KHDRBS1: variants seen among roughly 807,000 people sequenced by gnomAD.
The protein encoded by KHDRBS1 is KH RNA binding domain containing, signal transduction associated 1.
Under a neutral mutation model 48.4 loss-of-function variants are expected in KHDRBS1, and 7 were observed. The observed-to-expected ratio is 0.14, with a 90% CI of 0.08 to 0.27. The LOEUF is 0.27. KHDRBS1 is among the 10% of genes least tolerant of loss of function. KHDRBS1 has a pLI of 1.00. For synonymous variants in KHDRBS1, 241 were observed against 235.8 expected, an observed-to-expected ratio of 1.02 and a Z score of -0.20; for missense variants, 458 against 601.2, an observed-to-expected ratio of 0.76 and a Z score of 2.49.
intron 1 of KHDRBS1, among the ~76,000 whole-genome samples, chr1:32,027,080 C>G (rs939214831): frequency 2.0e-5 from 3 of 152,230 alleles, no homozygotes; most frequent in African/African-American, 7.2e-5. Flanking sequence ...CAGGCGTGAG[C>G]CAACGCGCCC....
intron 7 of KHDRBS1, 129 bp from the exon 8 acceptor site, chr1:32,039,386 G>C: frequency 1.5e-6 from 1 of 673,440 alleles, no homozygotes; most frequent in Non-Finnish European, 2.7e-6. Flanking sequence ...TACGGTTTAG[G>C]GATGGGGCAG....
intron 6 of KHDRBS1, among the ~76,000 whole-genome samples, chr1:32,038,321 GTACTT>G (rs1639222701): frequency 6.6e-6 from 1 of 152,132 alleles, no homozygotes; most frequent in African/African-American, 2.4e-5. Flanking sequence ...GCTCGATTTT[GTACTT>G]TACTTCCTGC....
At chr1:32,017,751 G>T (rs1484308096) in intron 1 of KHDRBS1, among the ~76,000 whole-genome samples, 1 of 151,766 alleles carries the variant, frequency 6.6e-6, no homozygotes, top group East Asian at 1.9e-4. Context: ...GGGATTATAG[G>T]CATGTGCCAC....
intron 8 of KHDRBS1, 59 bp downstream of exon 8, chr1:32,039,632 G>A: frequency 2.3e-6 from 2 of 884,434 alleles, no homozygotes; most frequent in South Asian, 1.3e-5. Context: ...GGAGAATGCT[G>A]GTGACTAAAG....
rs1165203599 is a variant in KHDRBS1, at chr1:32,014,199, G to A, written c.204G>A (p.Pro68=). The A allele has an allele frequency of 7.2e-7, 1 of 1,384,292 alleles. No individual in the cohort carries two copies. The highest frequency in any genetic ancestry group is 1.7e-5 in the South Asian group (1 of 58,904). The allele number at this position is 1,384,292 out of a possible 1,614,324, so 85.8% of individuals were successfully genotyped here. Residue 68 remains proline (P), a synonymous_variant, in exon 1 of 9, where the codon CCG becomes CCA. Transcript: ENST00000327300. ...CCACGCAGCCGCCACCGCTGCTGCC[G>A]CCCTCGGCCACGGGTCCCGACGCGA... The part of the protein sequence containing the change: ...SPATQPPPLL[P]PSATGPDATV...
intron 3 of KHDRBS1, 98 bp downstream of exon 3, chr1:32,031,738 G>A (rs1639084486): frequency 2.9e-6 from 2 of 698,466 alleles, no homozygotes; most frequent in Admixed American, 2.9e-5. Context: ...AATTTTGTAT[G>A]TGTACAGAAT....
chr1:32,036,905 C>T lies in KHDRBS1; in HGVS notation c.772-5C>T. On this transcript the variant is annotated splice_polypyrimidine_tract_variant and splice_region_variant and intron_variant, in intron 4 of 8. Coordinates refer to ENST00000327300, the MANE Select transcript of KHDRBS1 (RefSeq NM_006559.3). ...CACAATACTCCTTGTATCTTTCGTT[C>T]CCAGGATATGATGGATGATATCTGT... is the stretch of plus-strand genomic sequence containing the variant. The T allele has an allele frequency of 6.2e-7, 1 of 1,611,038 alleles. No homozygotes were observed. Among genetic ancestry groups the T allele is most frequent in the Non-Finnish European group, 8.5e-7 (1 of 1,178,404 alleles).
chr1:32,021,374 C>T (rs1047613235), intron 1 of KHDRBS1, among the ~76,000 whole-genome samples: 4 of 151,650 alleles, frequency 2.6e-5, no homozygotes, highest in African/African-American at 7.3e-5. Flanking sequence ...CAGTAGCTTC[C>T]ATCAAATTCT....
chr1:32,041,878 G>A lies in KHDRBS1; in HGVS notation c.1235-649G>A, dbSNP rs772569093. Among the ~76,000 whole-genome samples the A allele has an allele frequency of 5.3e-5, 8 of 152,202 alleles. No homozygotes were observed. The East Asian group carries it at 1.4e-3, about 26-fold the overall frequency. On this transcript the variant is annotated intron_variant, in intron 8 of 8. Transcript: ENST00000327300. ...GCTGGGATTACGGGCGTGAGCCACC[G>A]CATGCAGCCTTGGAATTATCTTAAA...
chr1:32,049,022 T>C (rs559472912), intron 10 of KHDRBS1, among the ~76,000 whole-genome samples: 2 of 151,612 alleles, frequency 1.3e-5, no homozygotes, highest in South Asian at 4.2e-4. Flanking sequence ...TAAGTGGTCT[T>C]CTGTGACTGG....
chr1:32,045,537 C>T (rs1639347000), downstream of KHDRBS1: 1 of 152,522 alleles, frequency 6.6e-6, no homozygotes, highest in Non-Finnish European at 1.5e-5. Context: ...ACCACACTTA[C>T]ATGTCCATAC....
At chr1:32,052,345 G>C (rs1419092398) in intron 10 of KHDRBS1, 2 of 148,762 alleles carry the variant, frequency 1.3e-5, no homozygotes, top group Admixed American at 6.7e-5. Flanking sequence ...AGGAAAGAAA[G>C]AAAAGAAAAA....
In KHDRBS1 at chr1:32,014,222, C is replaced by T; in HGVS notation, c.227C>T (p.Ala76Val). ...CCGCCCTCGGCCACGGGTCCCGACG[C>T]GACAGTGGGCGGGCCAGCGCCGACC... ...LLPPSATGPDATVGGPAPTPL... is the reference protein window; with the variant it reads ...LLPPSATGPDVTVGGPAPTPL... Residue 76 changes from alanine to valine, a missense_variant, in exon 1 of 9, where the codon GCG (alanine) becomes GTG (valine). This residue lies in a region of KHDRBS1 where 213 missense variants were observed against 215.6 expected (regional missense o/e 0.99). Transcript: ENST00000327300. The T allele has an allele frequency of 6.8e-7, 1 of 1,475,118 alleles. No homozygotes were observed. The highest frequency in any genetic ancestry group is 1.8e-4 in the Middle Eastern group (1 of 5,654). The allele number at this position is 1,475,118 out of a possible 1,614,324, so 91.4% of individuals were successfully genotyped here.
Position 32,042,747 on chromosome 1 carries a change from G to T in KHDRBS1, c.*123G>T. The T allele has an allele frequency of 1.6e-6, 1 of 637,112 alleles. No individual in the cohort carries two copies. The highest frequency in any genetic ancestry group is 1.8e-5 in the South Asian group (1 of 54,642). The allele number at this position is 637,112 out of a possible 1,614,324, so 39.5% of individuals were successfully genotyped here. ...AATTGTCTAAGTGTTTTTCTTCGTG[G>T]TCCCCTTCTTCTCCCCACCTTATTC... On this transcript the variant is annotated 3_prime_UTR_variant, in exon 9 of 9. Coordinates refer to ENST00000327300, the MANE Select transcript of KHDRBS1 (RefSeq NM_006559.3).
chr1:32,029,330 A>G (rs529435461), intron 1 of KHDRBS1, among the ~76,000 whole-genome samples: 62 of 152,326 alleles, frequency 4.1e-4, no homozygotes, highest in Middle Eastern at 3.4e-3. Flanking sequence ...AACTTTTTAC[A>G]TATCAGTTAT....
In KHDRBS1 at chr1:32,013,991, C is replaced by G. The variant is rs912579924; in HGVS notation, c.-5C>G. On this transcript the variant is annotated 5_prime_UTR_variant, in exon 1 of 9. Coordinates refer to ENST00000327300, the MANE Select transcript of KHDRBS1 (RefSeq NM_006559.3). ...TCTCGCTCCTTGGATCGCACATCCT[C>G]CCAGATGCAGCGCCGGGACGACCCC... is the stretch of plus-strand genomic sequence containing the variant. 4.2e-5 allele frequency: 64 copies of G among 1,508,862 alleles called. No individual in the cohort carries two copies. In the East Asian group the frequency reaches 1.8e-3, roughly 42 times the overall value. The allele number at this position is 1,508,862 out of a possible 1,614,324, so 93.5% of individuals were successfully genotyped here.
At chr1:32,018,511 G>A (rs955682369) in intron 1 of KHDRBS1, among the ~76,000 whole-genome samples, 8 of 144,332 alleles carry the variant, frequency 5.5e-5, no homozygotes, top group African/African-American at 1.6e-4. Flanking sequence ...ATCCCAGCAC[G>A]TTGGGAGGCC....
intron 1 of KHDRBS1, among the ~76,000 whole-genome samples, chr1:32,029,103 G>A (rs1639032438): frequency 6.6e-6 from 1 of 152,130 alleles, no homozygotes; most frequent in South Asian, 2.1e-4. Context: ...CATACTATAG[G>A]AAGCACTCAA....
intron 1 of KHDRBS1, among the ~76,000 whole-genome samples, chr1:32,018,533 A>T (rs1169595656): frequency 6.6e-6 from 1 of 151,582 alleles, no homozygotes. Context: ...AGGCGGGTGG[A>T]TCACGAGGTC....
Sources: gnomAD v4.1 joint callset for allele counts (sites outside exome capture counted in the v4.1 genomes callset) on GRCh38, gnomAD v4.1.1 for gene constraint, gnomAD v4.1.1 regional missense constraint, MANE v1.5 for transcripts, NCBI Gene and HGNC (gene_info 2026-07-23, HGNC 2026-07-21) for gene names.